The following SLC9A2 variants were observed in gnomAD, a reference collection of about 807,000 sequenced individuals.
SLC9A2 encodes the protein sodium/hydrogen exchanger 2.
SLC9A2 carries 42 observed loss-of-function variants against 71.7 expected under a neutral mutation model. That is an observed-to-expected ratio of 0.59 (90% CI 0.46 to 0.76). The LOEUF is 0.76. SLC9A2 is among the 30% of genes least tolerant of loss of function. The pLI is 0.00. For missense variants in SLC9A2, 829 were observed against 1,017.4 expected, an observed-to-expected ratio of 0.81 and a Z score of 2.52; for synonymous variants, 396 against 392.5, an observed-to-expected ratio of 1.01 and a Z score of -0.10.
At chr2:102,645,690 A>G (rs1040062423) in intron 1 of SLC9A2, among the ~76,000 whole-genome samples, 23 of 152,042 alleles carry the variant, frequency 1.5e-4, no homozygotes, top group African/African-American at 4.6e-4. Flanking sequence ...ATCAAGCGGA[A>G]GAAAGGATAT....
intron 1 of SLC9A2, among the ~76,000 whole-genome samples, chr2:102,644,771 A>T (rs919187670): frequency 1.3e-5 from 2 of 152,230 alleles, no homozygotes; most frequent in African/African-American, 4.8e-5. Flanking sequence ...TAGGCAAGGC[A>T]TCTCTGAAAG....
intron 1 of SLC9A2, among the ~76,000 whole-genome samples, chr2:102,640,304 C>T (rs544614859): frequency 1.3e-5 from 2 of 152,338 alleles, no homozygotes; most frequent in East Asian, 1.9e-4. Context: ...CTCCAGACAG[C>T]AGCCTGGTAT....
rs1677418661 is a variant in SLC9A2, at chr2:102,679,954, G to A, written c.1005-3307G>A. On this transcript the variant is annotated intron_variant, in intron 3 of 11. Coordinates refer to ENST00000233969, the MANE Select transcript of SLC9A2 (RefSeq NM_003048.6). ...TTATTGCTGATGTTTCCACTCTATA[G>A]ATGACATTTTGTTTTAACAAATACA... is the stretch of plus-strand genomic sequence containing the variant. Among the ~76,000 whole-genome samples the A allele has an allele frequency of 3.9e-5, 6 of 152,286 alleles. No individual in the cohort carries two copies. In the South Asian group the frequency reaches 1.0e-3, roughly 26 times the overall value.
chr2:102,670,620 A>G lies in SLC9A2; in HGVS notation c.1004+5270A>G, dbSNP rs1377159274. On this transcript the variant is annotated intron_variant, in intron 3 of 11. Transcript: ENST00000233969. ...CCACCAAAAAAAAAAAAAAAAAAAA[A>G]AACAACCCCAGCACATCCCGATGCA... Among the ~76,000 whole-genome samples, 4 of 138,706 alleles carry G rather than the reference A, an allele frequency of 2.9e-5. No individual in the cohort carries two copies. The Admixed American group carries it at 2.9e-4, about 10-fold the overall frequency. The allele number at this position is 138,706 out of a possible 152,430, so 91.0% of individuals were successfully genotyped here. A position where few individuals can be genotyped will look rare whatever the true frequency, so the allele number is the denominator to read the frequency against.
At chr2:102,627,967 A>C (rs1430545902) in intron 1 of SLC9A2, among the ~76,000 whole-genome samples, 3 of 152,180 alleles carry the variant, frequency 2.0e-5, no homozygotes, top group African/African-American at 4.8e-5. Context: ...AAGTGACATC[A>C]GTCTTATTAA....
intron 1 of SLC9A2, among the ~76,000 whole-genome samples, chr2:102,642,419 T>G (rs1676601298): frequency 7.0e-6 from 1 of 142,976 alleles, no homozygotes; most frequent in Non-Finnish European, 1.5e-5. Context: ...CTGCATCAAT[T>G]GATATAATCG....
chr2:102,695,829 A>AAAG (rs1558723340), intron 7 of SLC9A2, among the ~76,000 whole-genome samples: 1 of 126,146 alleles, frequency 7.9e-6, no homozygotes, highest in Non-Finnish European at 1.7e-5. Flanking sequence ...ATATATAAAA[A>AAAG]GCTAAAATTA....
chr2:102,654,665 A>G (rs1676903957), intron 1 of SLC9A2, among the ~76,000 whole-genome samples: 1 of 152,188 alleles, frequency 6.6e-6, no homozygotes. Context: ...ATAGTCATTT[A>G]TCACTTAACA....
At chr2:102,651,258 A>G (rs1676827950) in intron 1 of SLC9A2, among the ~76,000 whole-genome samples, 1 of 152,158 alleles carries the variant, frequency 6.6e-6, no homozygotes, top group African/African-American at 2.4e-5. Flanking sequence ...AGTGTTTTCA[A>G]CGGTGGGGAC....
At chr2:102,700,049 C>A (rs1677844056) in intron 7 of SLC9A2, among the ~76,000 whole-genome samples, 1 of 152,230 alleles carries the variant, frequency 6.6e-6, no homozygotes, top group East Asian at 1.9e-4. Flanking sequence ...TGGCGGGACA[C>A]AATTCAGCCC....
intron 1 of SLC9A2, among the ~76,000 whole-genome samples, chr2:102,652,575 C>T (rs1676854992): frequency 6.6e-6 from 1 of 152,150 alleles, no homozygotes; most frequent in Non-Finnish European, 1.5e-5. Context: ...CACTTCTCAT[C>T]TCCTTTTTAA....
At chr2:102,631,645 A>T (rs373280356) in intron 1 of SLC9A2, among the ~76,000 whole-genome samples, 2 of 152,144 alleles carry the variant, frequency 1.3e-5, no homozygotes, top group South Asian at 2.1e-4. Context: ...TTTACACAGC[A>T]TGTTTTAAGG....
At chr2:102,623,326 C>T (rs1002075087) in intron 1 of SLC9A2, among the ~76,000 whole-genome samples, 1 of 152,106 alleles carries the variant, frequency 6.6e-6, no homozygotes, top group African/African-American at 2.4e-5. Flanking sequence ...TTTCTCAGGA[C>T]AGAAAGTGGA....
intron 3 of SLC9A2, 150 bp from the exon 4 acceptor site, chr2:102,683,111 T>A (rs1677486219): frequency 3.1e-6 from 2 of 646,292 alleles, no homozygotes; most frequent in South Asian, 3.7e-5. Context: ...GAGGTTTGCA[T>A]GCAAATCACA....
Position 102,640,849 on chromosome 2 carries a change from A to G in SLC9A2, c.290-16715A>G, listed in dbSNP as rs1676560855. Among the ~76,000 whole-genome samples, 3 of 151,952 alleles carry G rather than the reference A, an allele frequency of 2.0e-5. No homozygotes were observed. In the South Asian group the frequency reaches 6.3e-4, roughly 32 times the overall value. On this transcript the variant is annotated intron_variant, in intron 1 of 11. Coordinates refer to ENST00000233969, the MANE Select transcript of SLC9A2 (RefSeq NM_003048.6). ...GCACCCATCTTGAAGCTATCTAGGG[A>G]CTCCCAGCCACCAGTCATCTCATTA...
At chr2:102,654,289 G>T (rs1297584113) in intron 1 of SLC9A2, among the ~76,000 whole-genome samples, 1 of 142,684 alleles carries the variant, frequency 7.0e-6, no homozygotes, top group African/African-American at 2.7e-5. Context: ...GAGTCAGCTT[G>T]GGGGAACAGA....
intron 2 of SLC9A2, among the ~76,000 whole-genome samples, chr2:102,658,837 A>C (rs1676996704): frequency 6.6e-6 from 1 of 152,098 alleles, no homozygotes; most frequent in Non-Finnish European, 1.5e-5. Context: ...TCCACCAGTT[A>C]AAGACACTCA....
chr2:102,630,466 T>C (rs985286206), intron 1 of SLC9A2, among the ~76,000 whole-genome samples: 1 of 152,040 alleles, frequency 6.6e-6, no homozygotes, highest in African/African-American at 2.4e-5. Context: ...GACTTATGTC[T>C]CTGGTTTTAT....
chr2:102,651,978 A>G (rs1676844368), intron 1 of SLC9A2, among the ~76,000 whole-genome samples: 1 of 151,900 alleles, frequency 6.6e-6, no homozygotes, highest in Non-Finnish European at 1.5e-5. Flanking sequence ...GTTCTTTTTT[A>G]TTGCTAAAGA....
Sources: allele counts gnomAD v4.1 joint callset (sites outside exome capture counted in the v4.1 genomes callset), GRCh38; gene constraint gnomAD v4.1.1; transcripts MANE v1.5; gene names NCBI Gene and HGNC (gene_info 2026-07-23, HGNC 2026-07-21).